Variants in EPS8 observed in about 807,000 individuals in gnomAD.
The protein encoded by EPS8 is epidermal growth factor receptor kinase substrate 8.
A neutral mutation model predicts 103.8 loss-of-function variants in EPS8; 42 were observed. That is an observed-to-expected ratio of 0.40 (90% CI 0.32 to 0.52). EPS8 has a LOEUF of 0.52. Ranked by LOEUF, EPS8 falls within the 20% of genes least tolerant of loss-of-function variation. The pLI is 0.40. For synonymous variants in EPS8, 344 were observed against 344.6 expected (o/e 1.00, Z 0.02); for missense variants, 969 against 1,005.1 (o/e 0.96, Z 0.49).
rs1947039078 is a variant in EPS8, at chr12:15,761,294, A to C, written c.-22+27867T>G. Among the ~76,000 whole-genome samples, 1 of 152,168 alleles carries C rather than the reference A, an allele frequency of 6.6e-6. No individual in the cohort carries two copies. Among genetic ancestry groups the C allele is most frequent in the Non-Finnish European group, 1.5e-5 (1 of 68,022 alleles). On this transcript the variant is annotated intron_variant, in intron 1 of 20. Coordinates refer to ENST00000281172, the MANE Select transcript of EPS8 (RefSeq NM_004447.6). This position sits in a 1 kb window ranked among gnomAD's most constrained non-coding sequence, Gnocchi z 4.5. ...ATGAAAGAAATTCAAGAGGACACCA[A>C]AAAATGGAAAATATTCTATGTTCAT...
chr12:15,755,484 T>C (rs538395422), intron 1 of EPS8, among the ~76,000 whole-genome samples: 8 of 152,260 alleles, frequency 5.3e-5, no homozygotes, highest in Middle Eastern at 6.8e-3. Context: ...TTCTTTCATA[T>C]GTAAAATAAA....
chr12:15,758,741 T>C (rs1364583586), intron 1 of EPS8, among the ~76,000 whole-genome samples: 1 of 152,212 alleles, frequency 6.6e-6, no homozygotes, highest in Non-Finnish European at 1.5e-5. Context: ...TAATATTCAA[T>C]GAGTGCTAAA....
At chr12:15,659,835 T>C (rs1235870736) in intron 10 of EPS8, among the ~76,000 whole-genome samples, 4 of 152,222 alleles carry the variant, frequency 2.6e-5, no homozygotes, top group Non-Finnish European at 5.9e-5. Context: ...ATTGTCTGTA[T>C]GTGACTTTGT....
chr12:15,774,848 CT>C (rs529818634), intron 1 of EPS8, among the ~76,000 whole-genome samples: 2 of 151,368 alleles, frequency 1.3e-5, no homozygotes, highest in African/African-American at 2.4e-5. Context: ...GCACAGAAAT[CT>C]TTTTTTTAGT....
intron 13 of EPS8, among the ~76,000 whole-genome samples, chr12:15,652,258 T>A (rs1945428265): frequency 6.6e-6 from 1 of 151,958 alleles, no homozygotes; most frequent in Non-Finnish European, 1.5e-5. Flanking sequence ...AGGTAGAGAG[T>A]AGACTGGTGT....
At chr12:15,646,234 T>C (rs1945317210) in intron 15 of EPS8, among the ~76,000 whole-genome samples, 1 of 152,198 alleles carries the variant, frequency 6.6e-6, no homozygotes, top group African/African-American at 2.4e-5. Flanking sequence ...ACTTAAGCAT[T>C]ACCTGTCACC....
At chr12:15,635,755 A>G (rs576572623) in intron 17 of EPS8, among the ~76,000 whole-genome samples, 1 of 152,290 alleles carries the variant, frequency 6.6e-6, no homozygotes, top group South Asian at 2.1e-4. Flanking sequence ...GAACACAGAA[A>G]AATAAAATGC....
At position 15,785,285 on chromosome 12, in the gene EPS8, A is replaced by G. The variant is rs1591942660; in HGVS notation, c.-22+3876T>C. Among the ~76,000 whole-genome samples the G allele has an allele frequency of 6.6e-6, 1 of 152,144 alleles. No homozygotes were observed. The highest frequency in any genetic ancestry group is 1.5e-5 in the Non-Finnish European group (1 of 67,964). On this transcript the variant is annotated intron_variant, in intron 1 of 20. Coordinates refer to ENST00000281172, the MANE Select transcript of EPS8 (RefSeq NM_004447.6). The surrounding 1 kb of genome is among the most constrained non-coding windows in gnomAD (Gnocchi z 4.9). ...TAGAAGCTGTGAGACTAAAAGCAAA[A>G]GGAATAGTACATAAACACTGTACTC...
intron 15 of EPS8, among the ~76,000 whole-genome samples, chr12:15,643,135 T>C (rs1945260330): frequency 1.3e-5 from 2 of 152,184 alleles, no homozygotes; most frequent in South Asian, 4.1e-4. Context: ...TAAGATTTCA[T>C]TTGGCAGATA....
chr12:15,625,950 T>C (rs1011701841), intron 18 of EPS8, among the ~76,000 whole-genome samples: 2 of 152,200 alleles, frequency 1.3e-5, no homozygotes, highest in East Asian at 1.9e-4. Flanking sequence ...ATATATTCAT[T>C]TGGGTATTTC....
Position 15,725,072 on chromosome 12 carries a change from G to GA in EPS8, c.-21-42101dup, listed in dbSNP as rs896507384. On this transcript the variant is annotated intron_variant, in intron 1 of 20. Coordinates refer to ENST00000281172, the MANE Select transcript of EPS8 (RefSeq NM_004447.6). The surrounding 1 kb of genome is among the most constrained non-coding windows in gnomAD (Gnocchi z 4.5). ...CACTCACTCCTAGGTATCTTGTTAGGAAAAAAAAAAATCCACTTTCTTTTT... is the reference window on the plus strand; with the variant it reads ...CACTCACTCCTAGGTATCTTGTTAGGAAAAAAAAAAAATCCACTTTCTTTTT... 6.3e-4 allele frequency among the ~76,000 whole-genome samples: 92 copies of GA among 145,814 alleles called. No homozygotes were observed. Among genetic ancestry groups the GA allele is most frequent in the Middle Eastern group, 3.5e-3 (1 of 282 alleles).
At chr12:15,699,862 A>G (rs1485998335) in intron 1 of EPS8, among the ~76,000 whole-genome samples, 1 of 152,092 alleles carries the variant, frequency 6.6e-6, no homozygotes, top group African/African-American at 2.4e-5. Context: ...CCTTTTTAAA[A>G]GTCTTCCCTT....
chr12:15,726,591 A>G (rs1029022833), intron 1 of EPS8, among the ~76,000 whole-genome samples: 5 of 152,252 alleles, frequency 3.3e-5, no homozygotes, highest in Non-Finnish European at 7.3e-5. Context: ...ACACTTACAT[A>G]CATACACATG....
At chr12:15,682,815 T>C in intron 2 of EPS8, 78 bp downstream of exon 2, 1 of 790,556 alleles carries the variant, frequency 1.3e-6, no homozygotes, top group South Asian at 1.6e-5. Flanking sequence ...AGTAATCTTT[T>C]CACTAAAAAT....
chr12:15,641,265 T>C (rs1945223777), intron 16 of EPS8, among the ~76,000 whole-genome samples: 1 of 152,168 alleles, frequency 6.6e-6, no homozygotes, highest in African/African-American at 2.4e-5. Flanking sequence ...AGATGAACTG[T>C]CAATTAGAAT....
chr12:15,656,108 C>G (rs927966598), intron 12 of EPS8, among the ~76,000 whole-genome samples: 4 of 152,126 alleles, frequency 2.6e-5, no homozygotes, highest in African/African-American at 7.2e-5. Context: ...TATGTTACAG[C>G]TCTATTCTGT....
In EPS8 at chr12:15,664,292, T is replaced by A. The variant is rs989312343; in HGVS notation, c.736+1464A>T. On this transcript the variant is annotated intron_variant, in intron 8 of 20. Transcript: ENST00000281172. ...ATATCTCTGTTAATTAATTTTTTTT[T>A]AAATAAATGCATCAAAGAATTCTTT... Among the ~76,000 whole-genome samples, 9 of 151,836 alleles carry A rather than the reference T, an allele frequency of 5.9e-5. No homozygotes were observed. The East Asian group carries it at 7.7e-4, about 13-fold the overall frequency.
rs1946944539 is a variant in EPS8, at chr12:15,752,581, C to G, written c.-22+36580G>C. ...TAAAAGAAATTCAGGGGCCCAGAGTCAGAAACATTATATTGAGCCCCCAAA... is the reference window on the plus strand; with the variant it reads ...TAAAAGAAATTCAGGGGCCCAGAGTGAGAAACATTATATTGAGCCCCCAAA... On this transcript the variant is annotated intron_variant, in intron 1 of 20. Coordinates refer to ENST00000281172, the MANE Select transcript of EPS8 (RefSeq NM_004447.6). The surrounding 1 kb of genome is among the most constrained non-coding windows in gnomAD (Gnocchi z 4.4). Among the ~76,000 whole-genome samples, 1 of 151,972 alleles carries G rather than the reference C, an allele frequency of 6.6e-6. No individual in the cohort carries two copies. Among genetic ancestry groups the G allele is most frequent in the African/African-American group, 2.4e-5 (1 of 41,344 alleles).
At chr12:15,729,550 G>C (rs531845824) in intron 1 of EPS8, among the ~76,000 whole-genome samples, 57 of 152,212 alleles carry the variant, frequency 3.7e-4, no homozygotes, top group Middle Eastern at 3.4e-3. Flanking sequence ...GGCATCAAAG[G>C]AATCAAAGGC....
Sources: gnomAD v4.1 joint callset for allele counts (sites outside exome capture counted in the v4.1 genomes callset) on GRCh38, gnomAD v4.1.1 for gene constraint, Gnocchi (gnomAD v3.1) non-coding constraint, MANE v1.5 for transcripts, NCBI Gene and HGNC (gene_info 2026-07-23, HGNC 2026-07-21) for gene names.